Variants in PPP1R12B observed in about 807,000 individuals in gnomAD.
The protein encoded by PPP1R12B is protein phosphatase 1 regulatory subunit 12B, also known as myosin phosphatase target subunit 2.
Under a neutral mutation model 126.1 loss-of-function variants are expected in PPP1R12B, and 76 were observed. The ratio of observed to expected loss-of-function variants is 0.60; its 90% CI spans 0.50 to 0.73. PPP1R12B has a LOEUF of 0.73. PPP1R12B is among the 30% of genes least tolerant of loss of function. The probability of loss-of-function intolerance (pLI) is 0.00; values close to 1 mark genes in which losing one functional copy is unlikely to be tolerated. For missense variants in PPP1R12B, 1,052 were observed against 1,205.1 expected (o/e 0.87, Z 1.88); for synonymous variants, 356 against 434.7 (o/e 0.82, Z 2.25).
At chr1:202,503,394 G>A (rs1054705989) in intron 18 of PPP1R12B, among the ~76,000 whole-genome samples, 16 of 152,166 alleles carry the variant, frequency 1.1e-4, no homozygotes, top group African/African-American at 3.9e-4. Context: ...TTTGGTTTTG[G>A]TTTTAGAATT....
At chr1:202,357,262 G>A (rs957003798) in intron 1 of PPP1R12B, among the ~76,000 whole-genome samples, 5 of 152,196 alleles carry the variant, frequency 3.3e-5, no homozygotes, top group African/African-American at 1.2e-4. Context: ...CCGACAAACA[G>A]TGATATTGAG....
chr1:202,514,124 A>G (rs186803584), intron 18 of PPP1R12B, among the ~76,000 whole-genome samples: 1 of 151,988 alleles, frequency 6.6e-6, no homozygotes, highest in Admixed American at 6.5e-5. Context: ...ACTAATAGCC[A>G]TTCTGACTGG....
chr1:202,474,996 T>C (rs1173621380), intron 13 of PPP1R12B, among the ~76,000 whole-genome samples: 6 of 152,218 alleles, frequency 3.9e-5, no homozygotes, highest in African/African-American at 1.4e-4. Context: ...TAAATTTGGA[T>C]TCACCATGGT....
chr1:202,571,027 C>T (rs1367136491), intron 23 of PPP1R12B, among the ~76,000 whole-genome samples: 1 of 152,182 alleles, frequency 6.6e-6, no homozygotes, highest in East Asian at 1.9e-4. Flanking sequence ...CCTGGGAGCC[C>T]AAAGCCAGCC....
chr1:202,437,799 C>A (rs1258143998), intron 9 of PPP1R12B, 22 bp from the exon 10 acceptor site: 4 of 1,569,412 alleles, frequency 2.5e-6, no homozygotes, highest in South Asian at 1.2e-5. Context: ...TTTTTCATTT[C>A]TTTTATTTGC....
At chr1:202,401,361 A>ATT (rs34810265) in intron 1 of PPP1R12B, among the ~76,000 whole-genome samples, 20,701 of 71,290 alleles carry the variant, frequency 0.29, 5,659 homozygotes, top group Non-Finnish European at 0.36. Flanking sequence ...GGCTAATTTA[A>ATT]TTTTTTTTTT....
intron 1 of PPP1R12B, among the ~76,000 whole-genome samples, chr1:202,378,314 C>T (rs1661612798): frequency 7.7e-6 from 1 of 129,512 alleles, no homozygotes; most frequent in African/African-American, 3.0e-5. Flanking sequence ...TTCTTTCAGT[C>T]TTACCTGTCT....
At chr1:202,576,595 G>A (rs574078324) in intron 23 of PPP1R12B, 1 of 152,268 alleles carries the variant, frequency 6.6e-6, no homozygotes, top group African/African-American at 2.4e-5. Flanking sequence ...TTTAAAGTTA[G>A]CCTCAAGATT....
intron 1 of PPP1R12B, among the ~76,000 whole-genome samples, chr1:202,350,746 G>T (rs748544868): frequency 1.3e-5 from 2 of 151,388 alleles, no homozygotes; most frequent in East Asian, 3.9e-4. Flanking sequence ...TCAGCCTCCC[G>T]AGTAGCTGGG....
intron 1 of PPP1R12B, among the ~76,000 whole-genome samples, chr1:202,386,916 A>G (rs1317516672): frequency 6.6e-6 from 1 of 152,196 alleles, no homozygotes; most frequent in African/African-American, 2.4e-5. Context: ...ATGGCATCCT[A>G]TTCTTTTACA....
At chr1:202,380,357 G>A (rs1662040974) in intron 1 of PPP1R12B, among the ~76,000 whole-genome samples, 1 of 152,146 alleles carries the variant, frequency 6.6e-6, no homozygotes, top group African/African-American at 2.4e-5. Context: ...GGAGGTGAAG[G>A]AGTTTCATTA....
chr1:202,376,331 C>T (rs554607173), intron 1 of PPP1R12B, among the ~76,000 whole-genome samples: 2 of 152,112 alleles, frequency 1.3e-5, no homozygotes, highest in South Asian at 2.1e-4. Context: ...AGAGCATAAA[C>T]CAGGATTTTA....
chr1:202,566,581 C>A (rs1477018734), intron 21 of PPP1R12B, among the ~76,000 whole-genome samples: 1 of 152,182 alleles, frequency 6.6e-6, no homozygotes, highest in Non-Finnish European at 1.5e-5. Context: ...CCTTGAAAAT[C>A]ATGAAATCAT....
chr1:202,444,717 C>G lies in PPP1R12B; in HGVS notation c.1667+2145C>G, dbSNP rs113688701. On this transcript the variant is annotated intron_variant, in intron 12 of 23. Coordinates refer to ENST00000608999, the MANE Select transcript of PPP1R12B (RefSeq NM_002481.4). Reference sequence around the variant, plus strand: ...TATCCTTTTTCCTATTATTCCCTTTCTTAGCCTCTCCTCTTATCATATATT... The same window carrying G: ...TATCCTTTTTCCTATTATTCCCTTTGTTAGCCTCTCCTCTTATCATATATT... Among the ~76,000 whole-genome samples the G allele has an allele frequency of 5.4e-3, 828 of 152,286 alleles. 7 individuals carry two copies. The highest frequency in any genetic ancestry group is 0.037 in the Middle Eastern group (11 of 294).
intron 18 of PPP1R12B, among the ~76,000 whole-genome samples, chr1:202,557,235 C>T (rs1687046751): frequency 6.6e-6 from 1 of 152,144 alleles, no homozygotes; most frequent in Non-Finnish European, 1.5e-5. Context: ...AAGTGATTCT[C>T]CTGCCTCCAG....
intron 1 of PPP1R12B, among the ~76,000 whole-genome samples, chr1:202,414,153 C>T (rs1438665141): frequency 6.6e-6 from 1 of 152,196 alleles, no homozygotes. Flanking sequence ...AACTCCTGAC[C>T]TCAGGTGATC....
At chr1:202,363,498 C>T (rs1658586954) in intron 1 of PPP1R12B, among the ~76,000 whole-genome samples, 1 of 151,986 alleles carries the variant, frequency 6.6e-6, no homozygotes, top group Non-Finnish European at 1.5e-5. Flanking sequence ...ATTTAGTTTC[C>T]AAATCATTAA....
intron 1 of PPP1R12B, among the ~76,000 whole-genome samples, chr1:202,409,847 T>C (rs1003075161): frequency 1.2e-4 from 19 of 152,176 alleles, no homozygotes; most frequent in African/African-American, 4.3e-4. Flanking sequence ...CTAATAGGTA[T>C]GAGGTGCTAT....
At chr1:202,489,282 C>T (rs921792725) in intron 14 of PPP1R12B, among the ~76,000 whole-genome samples, 3 of 152,186 alleles carry the variant, frequency 2.0e-5, no homozygotes, top group African/African-American at 7.2e-5. Flanking sequence ...TATATCCCTA[C>T]TACATTTTAA....
Sources: gnomAD v4.1 joint callset for allele counts (sites outside exome capture counted in the v4.1 genomes callset) on GRCh38, gnomAD v4.1.1 for gene constraint, MANE v1.5 for transcripts, NCBI Gene and HGNC (gene_info 2026-07-23, HGNC 2026-07-21) for gene names.